The following ASTN1 variants were observed in gnomAD, a reference collection of about 807,000 sequenced individuals.
The protein encoded by ASTN1 is astrotactin 1, also known as astrotactin-1.
Under a neutral mutation model 140.7 loss-of-function variants are expected in ASTN1, and 41 were observed. The observed-to-expected ratio is 0.29, with a 90% CI of 0.23 to 0.38. The LOEUF (loss-of-function observed/expected upper bound fraction) is 0.38. ASTN1 is among the 10% of genes least tolerant of loss of function. ASTN1 has a pLI of 1.00. For missense variants in ASTN1, 1,479 were observed against 1,678.8 expected (o/e 0.88, Z 2.08); for synonymous variants, 640 against 652.2 (o/e 0.98, Z 0.29).
chr1:176,905,986 G>T (rs1401247654), intron 16 of ASTN1, among the ~76,000 whole-genome samples: 2 of 152,248 alleles, frequency 1.3e-5, no homozygotes, highest in Non-Finnish European at 2.9e-5. Flanking sequence ...CCAGTGATGT[G>T]AGGGCCATGG....
intron 16 of ASTN1, among the ~76,000 whole-genome samples, chr1:176,910,322 C>A (rs1183523354): frequency 2.0e-5 from 3 of 152,134 alleles, no homozygotes; most frequent in Non-Finnish European, 4.4e-5. Context: ...TCTTGTGCTT[C>A]CGTCCTCAGT....
chr1:176,896,352 A>G (rs1669506157), intron 16 of ASTN1, among the ~76,000 whole-genome samples: 1 of 152,230 alleles, frequency 6.6e-6, no homozygotes. Context: ...TACTCAAACC[A>G]AAAATAAGAA....
At chr1:177,094,177 C>A (rs947945585) in intron 1 of ASTN1, among the ~76,000 whole-genome samples, 3 of 152,122 alleles carry the variant, frequency 2.0e-5, no homozygotes. Context: ...TAGATATTAT[C>A]CTCCACTGTA....
intron 1 of ASTN1, among the ~76,000 whole-genome samples, chr1:177,134,966 A>G (rs1380311253): frequency 6.6e-6 from 1 of 152,172 alleles, no homozygotes. Context: ...AAGAGGTTCA[A>G]GTGAATGAAG....
At chr1:177,050,957 G>A (rs758906005) in intron 2 of ASTN1, among the ~76,000 whole-genome samples, 7 of 151,874 alleles carry the variant, frequency 4.6e-5, no homozygotes, top group African/African-American at 1.5e-4. Flanking sequence ...CAGACTCACA[G>A]GGAAAAAAAA....
intron 8 of ASTN1, among the ~76,000 whole-genome samples, chr1:176,982,108 C>T (rs1673646222): frequency 6.6e-6 from 1 of 152,190 alleles, no homozygotes; most frequent in Non-Finnish European, 1.5e-5. Context: ...CCAAAGCTTC[C>T]AGCTGCAGAA....
At chr1:177,068,430 T>C (rs1013214228) in intron 1 of ASTN1, among the ~76,000 whole-genome samples, 1 of 152,196 alleles carries the variant, frequency 6.6e-6, no homozygotes, top group African/African-American at 2.4e-5. Context: ...AGGAGAAGGA[T>C]AATTGAATTT....
intron 1 of ASTN1, among the ~76,000 whole-genome samples, chr1:177,161,423 T>C (rs2102268131): frequency 6.6e-6 from 1 of 152,364 alleles, no homozygotes; most frequent in Admixed American, 6.5e-5. Flanking sequence ...AATCTACCTT[T>C]AATTTTGCAC....
At chr1:176,920,893 C>T (rs1670695822) in intron 16 of ASTN1, among the ~76,000 whole-genome samples, 1 of 152,180 alleles carries the variant, frequency 6.6e-6, no homozygotes, top group African/African-American at 2.4e-5. Context: ...CATAGATTTC[C>T]CTCAAGGTGC....
At chr1:176,951,950 G>A (rs1226385813) in intron 11 of ASTN1, among the ~76,000 whole-genome samples, 14 of 152,142 alleles carry the variant, frequency 9.2e-5, no homozygotes. Flanking sequence ...AGGAAAATTA[G>A]ACTCAGAAAG....
intron 8 of ASTN1, among the ~76,000 whole-genome samples, chr1:176,992,942 C>G (rs957858255): frequency 7.2e-5 from 11 of 152,176 alleles, no homozygotes; most frequent in South Asian, 6.2e-4. Context: ...TATGGATAAT[C>G]AGGTTATAAG....
At chr1:176,905,835 C>T (rs1669965992) in intron 16 of ASTN1, among the ~76,000 whole-genome samples, 1 of 152,144 alleles carries the variant, frequency 6.6e-6, no homozygotes, top group East Asian at 1.9e-4. Context: ...GCTTTCATTA[C>T]GAGATGTGGT....
chr1:176,965,372 T>C (rs926147118), intron 8 of ASTN1, 135 bp from the exon 9 acceptor site: 9 of 696,804 alleles, frequency 1.3e-5, no homozygotes, highest in Non-Finnish European at 2.2e-5. Flanking sequence ...AGAAGCTCAC[T>C]AATATGAGCT....
chr1:176,857,560 G>T, downstream of ASTN1: 1 of 524,474 alleles, frequency 1.9e-6, no homozygotes, highest in Non-Finnish European at 3.4e-6. Context: ...TGCCATCTGA[G>T]GCAGGGAGAA....
intron 1 of ASTN1, among the ~76,000 whole-genome samples, chr1:177,076,791 G>A (rs1013217634): frequency 1.3e-5 from 2 of 152,212 alleles, no homozygotes; most frequent in East Asian, 1.9e-4. Context: ...CCAAAGTGCT[G>A]GGATTACAGG....
chr1:176,904,662 T>C (rs990637184), intron 16 of ASTN1, among the ~76,000 whole-genome samples: 4 of 152,186 alleles, frequency 2.6e-5, no homozygotes, highest in Non-Finnish European at 5.9e-5. Context: ...GCCTTGTTCC[T>C]GCTTGGGAGG....
chr1:176,991,349 G>T (rs1406937086), intron 8 of ASTN1, among the ~76,000 whole-genome samples: 1 of 146,486 alleles, frequency 6.8e-6, no homozygotes, highest in Non-Finnish European at 1.5e-5. Context: ...GGAGGCGAAG[G>T]TTGCAGTGAG....
chr1:176,973,151 C>A (rs1673213527), intron 8 of ASTN1, among the ~76,000 whole-genome samples: 1 of 152,150 alleles, frequency 6.6e-6, no homozygotes, highest in Non-Finnish European at 1.5e-5. Flanking sequence ...CCAATATCTG[C>A]AACCCCTCCC....
At chr1:177,074,733 T>A (rs1484942548) in intron 1 of ASTN1, among the ~76,000 whole-genome samples, 2 of 152,248 alleles carry the variant, frequency 1.3e-5, no homozygotes, top group Non-Finnish European at 2.9e-5. Flanking sequence ...GTATGTGTTT[T>A]ATGCAGCACC....
Sources: gnomAD v4.1 joint callset for allele counts (sites outside exome capture counted in the v4.1 genomes callset) on GRCh38, gnomAD v4.1.1 for gene constraint, MANE v1.5 for transcripts, NCBI Gene and HGNC (gene_info 2026-07-23, HGNC 2026-07-21) for gene names.